The following PDE10A variants were observed in gnomAD, a reference collection of about 807,000 sequenced individuals.
PDE10A encodes cAMP and cAMP-inhibited cGMP 3',5'-cyclic phosphodiesterase 10A.
Under a neutral mutation model 97.7 loss-of-function variants are expected in PDE10A, and 39 were observed. The observed-to-expected ratio is 0.40, with a 90% CI of 0.31 to 0.52. PDE10A has a LOEUF of 0.52. PDE10A is among the 20% of genes least tolerant of loss of function. PDE10A has a pLI of 0.56. For synonymous variants in PDE10A, 371 were observed against 376.8 expected (o/e 0.98, Z 0.18); for missense variants, 731 against 1,047.8 (o/e 0.70, Z 4.17).
chr6:165,861,828 A>G (rs1181831320), intron 1 of PDE10A, among the ~76,000 whole-genome samples: 1 of 152,182 alleles, frequency 6.6e-6, no homozygotes, highest in Non-Finnish European at 1.5e-5. Context: ...TCCTCTCTGG[A>G]TGCATATTTC....
chr6:165,511,401 T>G (rs1213640719), intron 2 of PDE10A, among the ~76,000 whole-genome samples: 1 of 146,712 alleles, frequency 6.8e-6, no homozygotes, highest in Non-Finnish European at 1.5e-5. Flanking sequence ...TTTCAAAATT[T>G]TTAAAATATC....
Position 165,362,824 on chromosome 6 carries a change from A to T in PDE10A, c.2783+16370T>A, listed in dbSNP as rs538427654. Among the ~76,000 whole-genome samples, 84 of 152,328 alleles carry T rather than the reference A, an allele frequency of 5.5e-4. 1 individual carries two copies. In the South Asian group the frequency reaches 0.017, roughly 31 times the overall value. On this transcript the variant is annotated intron_variant, in intron 18 of 21. Coordinates refer to ENST00000539869, the MANE Select transcript of PDE10A (RefSeq NM_001385079.1). ...GCACTAATGTCCTCAACGAAATATC[A>T]TCAAGCCAAATCCAGCAATATATAG...
In PDE10A at chr6:165,396,300, CAG is replaced by C; in HGVS notation, c.2219+15_2219+16del. The C allele has an allele frequency of 3.1e-6, 5 of 1,605,596 alleles. No homozygotes were observed. The highest frequency in any genetic ancestry group is 4.3e-6 in the Non-Finnish European group (5 of 1,176,118). The stretch of plus-strand genomic sequence containing the variant: ...TAAAAATGGTTCCTGAAGAAACTGA[CAG>C]AGCAACATACTTACAATTCAATTTC... On this transcript the variant is annotated intron_variant, in intron 14 of 21. Transcript: ENST00000539869.
intron 1 of PDE10A, among the ~76,000 whole-genome samples, chr6:165,847,317 G>A (rs1418829665): frequency 6.6e-6 from 1 of 152,216 alleles, no homozygotes; most frequent in Non-Finnish European, 1.5e-5. Context: ...AGCTGACGGT[G>A]GCTGTCATTA....
At chr6:165,434,391 C>T (rs1268318457) in intron 6 of PDE10A, among the ~76,000 whole-genome samples, 1 of 152,098 alleles carries the variant, frequency 6.6e-6, no homozygotes, top group Non-Finnish European at 1.5e-5. Flanking sequence ...CCTATTAGCA[C>T]TTAGAGCAAT....
intron 1 of PDE10A, among the ~76,000 whole-genome samples, chr6:165,828,861 T>C (rs1251266190): frequency 6.6e-6 from 1 of 152,186 alleles, no homozygotes; most frequent in Non-Finnish European, 1.5e-5. Flanking sequence ...GGTATGTATT[T>C]AACAAAGAAG....
chr6:165,761,983 A>C (rs903432), intron 1 of PDE10A, among the ~76,000 whole-genome samples: 8 of 151,870 alleles, frequency 5.3e-5, no homozygotes, highest in African/African-American at 1.7e-4. Context: ...TCAGATATTT[A>C]CTCTCCCTGT....
intron 19 of PDE10A, among the ~76,000 whole-genome samples, chr6:165,342,050 C>A (rs935908878): frequency 6.6e-6 from 1 of 152,178 alleles, no homozygotes; most frequent in Non-Finnish European, 1.5e-5. Flanking sequence ...GTTTACATTT[C>A]TCTCCAGTCT....
intron 18 of PDE10A, among the ~76,000 whole-genome samples, chr6:165,357,716 C>T (rs1032515381): frequency 2.7e-5 from 4 of 148,962 alleles, no homozygotes; most frequent in African/African-American, 1.0e-4. Flanking sequence ...CTTTCACTGT[C>T]AACATTGGCA....
chr6:165,620,794 G>T (rs919080196), intron 1 of PDE10A, among the ~76,000 whole-genome samples: 2 of 141,580 alleles, frequency 1.4e-5, no homozygotes, highest in African/African-American at 5.8e-5. Flanking sequence ...AGGTCGAGGC[G>T]GGTGGATCAT....
At chr6:165,349,515 A>C (rs925789538) in intron 18 of PDE10A, among the ~76,000 whole-genome samples, 2 of 152,218 alleles carry the variant, frequency 1.3e-5, no homozygotes, top group African/African-American at 4.8e-5. Context: ...AGTTTGAAAA[A>C]TGTGCAGCCT....
chr6:165,815,056 C>G (rs1034648939), intron 1 of PDE10A, among the ~76,000 whole-genome samples: 4 of 152,116 alleles, frequency 2.6e-5, no homozygotes, highest in Admixed American at 2.0e-4. Flanking sequence ...TTCCGGTTGC[C>G]TTTTCAAACA....
At chr6:165,601,671 T>C (rs1786959778) in intron 1 of PDE10A, among the ~76,000 whole-genome samples, 1 of 152,220 alleles carries the variant, frequency 6.6e-6, no homozygotes, top group Non-Finnish European at 1.5e-5. Context: ...CTACTTAGTG[T>C]TTCTCGAAAT....
intron 2 of PDE10A, among the ~76,000 whole-genome samples, chr6:165,536,639 A>G (rs1382690351): frequency 6.6e-6 from 1 of 151,994 alleles, no homozygotes; most frequent in African/African-American, 2.4e-5. Flanking sequence ...TTAGCAAAAG[A>G]TCTGAATAGG....
At chr6:165,947,734 T>C (rs1214306645) in intron 1 of PDE10A, among the ~76,000 whole-genome samples, 1 of 152,212 alleles carries the variant, frequency 6.6e-6, no homozygotes, top group African/African-American at 2.4e-5. Flanking sequence ...TAACCACTGC[T>C]ACTTTTGATG....
chr6:165,356,409 GT>G (rs2128189631), intron 18 of PDE10A, among the ~76,000 whole-genome samples: 1 of 152,050 alleles, frequency 6.6e-6, no homozygotes, highest in African/African-American at 2.4e-5. Flanking sequence ...TTTTTCTTGG[GT>G]TGTTTTATTA....
chr6:165,456,136 A>G (rs1480767452), intron 3 of PDE10A, among the ~76,000 whole-genome samples: 6 of 152,066 alleles, frequency 3.9e-5, no homozygotes, highest in Admixed American at 1.3e-4. Context: ...TACTTATTCC[A>G]CTTATTCCAA....
chr6:165,540,811 G>T (rs571220062), intron 2 of PDE10A, among the ~76,000 whole-genome samples: 3 of 152,200 alleles, frequency 2.0e-5, no homozygotes, highest in Admixed American at 6.5e-5. Flanking sequence ...TGTATTTTTA[G>T]TAGAGTCAGG....
At chr6:165,722,239 C>T (rs1407667371) in intron 1 of PDE10A, among the ~76,000 whole-genome samples, 2 of 152,214 alleles carry the variant, frequency 1.3e-5, no homozygotes, top group Admixed American at 1.3e-4. Flanking sequence ...TGGCTGCCTT[C>T]ACCATTATCT....
Sources: gnomAD v4.1 joint callset for allele counts (sites outside exome capture counted in the v4.1 genomes callset) on GRCh38, gnomAD v4.1.1 for gene constraint, MANE v1.5 for transcripts, NCBI Gene and HGNC (gene_info 2026-07-23, HGNC 2026-07-21) for gene names.